ICMT: variants seen among roughly 807,000 people sequenced by gnomAD.
ICMT encodes the protein protein-S-isoprenylcysteine O-methyltransferase.
ICMT carries 10 observed loss-of-function variants against 32.2 expected under a neutral mutation model. The observed-to-expected ratio is 0.31, with a 90% CI of 0.19 to 0.53. ICMT has a LOEUF of 0.53. ICMT is among the 20% of genes least tolerant of loss of function. ICMT has a pLI of 0.96. For missense variants in ICMT, 265 were observed against 356.9 expected (o/e 0.74, Z 2.07); for synonymous variants, 183 against 158.2 (o/e 1.16, Z -1.18).
chr1:6,235,702 C>T lies in ICMT; in HGVS notation c.195+15G>A, dbSNP rs1241847892. On this transcript the variant is annotated intron_variant, in intron 1 of 4. Coordinates refer to ENST00000343813, the MANE Select transcript of ICMT (RefSeq NM_012405.4). The stretch of plus-strand genomic sequence containing the variant: ...CCCGCCCCGCCGGCCCCCGCCGGCC[C>T]CCGCCGGCCTGCACCTGGTAGCGAG... 9 of 1,185,916 alleles carry T rather than the reference C, an allele frequency of 7.6e-6. 1 individual carries two copies. Among genetic ancestry groups the T allele is most frequent in the Non-Finnish European group, 9.4e-6 (9 of 961,092 alleles). 73.5% of individuals were successfully genotyped at this position (1,185,916 alleles called of 1,614,324 possible).
intron 3 of ICMT, among the ~76,000 whole-genome samples, chr1:6,233,106 G>A (rs762919670): frequency 3.9e-5 from 6 of 152,054 alleles, no homozygotes; most frequent in Non-Finnish European, 8.8e-5. Flanking sequence ...CACCCGCCTC[G>A]ACCTCCCAAA....
chr1:6,234,842 G>T, intron 2 of ICMT, 44 bp downstream of exon 2: 1 of 1,396,256 alleles, frequency 7.2e-7, no homozygotes, highest in Non-Finnish European at 1.0e-6. Flanking sequence ...CCTCTGATCT[G>T]TCCACCCTCG....
At position 6,221,208 on chromosome 1, in the gene ICMT, T is replaced by G. The variant is rs1453927009; in HGVS notation, c.*3872A>C. The G allele has an allele frequency of 3.3e-5, 5 of 152,638 alleles. No homozygotes were observed. Among genetic ancestry groups the G allele is most frequent in the African/African-American group, 1.2e-4 (5 of 41,470 alleles). 9.5% of individuals were successfully genotyped at this position (152,638 alleles called of 1,614,324 possible). ...CACACTGTGGTTGAGTGAAATCAAG[T>G]GCAGTTTTATTTAAGAACTGGAAAG... is the stretch of plus-strand genomic sequence containing the variant. On this transcript the variant is annotated 3_prime_UTR_variant, in exon 5 of 5. Coordinates refer to ENST00000343813, the MANE Select transcript of ICMT (RefSeq NM_012405.4).
chr1:6,228,174 A>G (rs1571224253), intron 4 of ICMT, among the ~76,000 whole-genome samples: 4 of 152,290 alleles, frequency 2.6e-5, no homozygotes, highest in Admixed American at 2.6e-4. Context: ...TTTTTAAGAC[A>G]GGGTCTCACT....
At position 6,223,357 on chromosome 1, in the gene ICMT, T is replaced by G. The variant is rs756721262; in HGVS notation, c.*1723A>C. ...CGCCTGACCTCATGATCCACCCGCC[T>G]TGGCCTCCCAAATTGCTGGGATTAC... On this transcript the variant is annotated 3_prime_UTR_variant, in exon 5 of 5. Coordinates refer to ENST00000343813, the MANE Select transcript of ICMT (RefSeq NM_012405.4). 2 of 152,238 alleles carry G rather than the reference T, an allele frequency of 1.3e-5. No individual in the cohort carries two copies. The highest frequency in any genetic ancestry group is 4.8e-5 in the African/African-American group (2 of 41,468). The allele number at this position is 152,238 out of a possible 1,614,324, so 9.4% of individuals were successfully genotyped here. A position where few individuals can be genotyped will look rare whatever the true frequency, so the allele number is the denominator to read the frequency against.
At position 6,225,884 on chromosome 1, in the gene ICMT, G is replaced by C. The variant is rs559587397; in HGVS notation, c.673-622C>G. Among the ~76,000 whole-genome samples the C allele has an allele frequency of 3.2e-4, 49 of 151,894 alleles. No homozygotes were observed. In the South Asian group the frequency reaches 4.8e-3, roughly 15 times the overall value. ...TGCCTCTTTTTTTTCCCCCGAGACA[G>C]ATTGTCACTCTGTCACGTGGAGTGC... On this transcript the variant is annotated intron_variant, in intron 4 of 4. Coordinates refer to ENST00000343813, the MANE Select transcript of ICMT (RefSeq NM_012405.4).
intron 4 of ICMT, among the ~76,000 whole-genome samples, chr1:6,225,997 G>A (rs1358018287): frequency 1.3e-5 from 2 of 152,052 alleles, no homozygotes; most frequent in African/African-American, 2.4e-5. Context: ...TGGGACTAAG[G>A]GCACATGCCA....
chr1:6,232,185 T>C (rs776164686), intron 3 of ICMT, 66 bp from the exon 4 acceptor site: 2 of 1,138,002 alleles, frequency 1.8e-6, no homozygotes, highest in Non-Finnish European at 1.3e-6. Flanking sequence ...CCCTTCGCAC[T>C]GCTTAAAATT....
At chr1:6,227,783 G>A (rs1668667062) in intron 4 of ICMT, among the ~76,000 whole-genome samples, 1 of 152,142 alleles carries the variant, frequency 6.6e-6, no homozygotes, top group Admixed American at 6.5e-5. Flanking sequence ...GTGAACCCAG[G>A]AGGCGGAGCT....
Position 6,222,245 on chromosome 1 carries a change from A to AC in ICMT, c.*2834dup, listed in dbSNP as rs1188982418. On this transcript the variant is annotated 3_prime_UTR_variant, in exon 5 of 5. Transcript: ENST00000343813. ...AGACCAGCCTGGCCATCATGGTGAA[A>AC]CCCCGTCTCTACTAAAAATACAAAA... The AC allele has an allele frequency of 6.6e-6, 1 of 152,042 alleles. No individual in the cohort carries two copies. The highest frequency in any genetic ancestry group is 6.6e-5 in the Admixed American group (1 of 15,254). The allele number at this position is 152,042 out of a possible 1,614,324, so 9.4% of individuals were successfully genotyped here. A position where few individuals can be genotyped will look rare whatever the true frequency, so the allele number is the denominator to read the frequency against.
At chr1:6,229,575 C>G in intron 4 of ICMT, among the ~76,000 whole-genome samples, 1 of 152,098 alleles carries the variant, frequency 6.6e-6, no homozygotes, top group Non-Finnish European at 1.5e-5. Flanking sequence ...AGGAGAATCA[C>G]TCAAACCCGG....
chr1:6,234,791 G>A (rs985985554), intron 2 of ICMT, 95 bp downstream of exon 2: 6 of 934,484 alleles, frequency 6.4e-6, no homozygotes, highest in Admixed American at 1.8e-5. Context: ...GCCTTCTGCC[G>A]GTCACAGATG....
rs1019036410 is a variant in ICMT, at chr1:6,233,326, A to C, written c.454+148T>G. 4.2e-6 allele frequency: 3 copies of C among 709,640 alleles called. No individual in the cohort carries two copies. In the African/African-American group the frequency reaches 5.3e-5, roughly 13 times the overall value. 44.0% of individuals were successfully genotyped at this position (709,640 alleles called of 1,614,324 possible). On this transcript the variant is annotated intron_variant, in intron 3 of 4. Transcript: ENST00000343813. ...GAGGCAGAATTCATGAGCGGAGCTC[A>C]TCCTTTATAAATAGCTTAGTGAGGA...
chr1:6,230,203 C>T (rs1208014707), intron 4 of ICMT, among the ~76,000 whole-genome samples: 2 of 152,182 alleles, frequency 1.3e-5, no homozygotes. Context: ...CAACCTCCAC[C>T]TCCCAGGTTC....
rs146859278 is a variant in ICMT, at chr1:6,234,488, C to G, written c.284+398G>C. ...AGTGTAGGGAAAAATCCTACAGTGGCTGTGGGGATGCACTAGATGTGACCT... is the reference window on the plus strand; with the variant it reads ...AGTGTAGGGAAAAATCCTACAGTGGGTGTGGGGATGCACTAGATGTGACCT... On this transcript the variant is annotated intron_variant, in intron 2 of 4. Coordinates refer to ENST00000343813, the MANE Select transcript of ICMT (RefSeq NM_012405.4). 107 of 492,392 alleles carry G rather than the reference C, an allele frequency of 2.2e-4. No individual in the cohort carries two copies. In the East Asian group the frequency reaches 6.1e-3, roughly 28 times the overall value. 30.5% of individuals were successfully genotyped at this position (492,392 alleles called of 1,614,324 possible). A position where few individuals can be genotyped will look rare whatever the true frequency, so the allele number is the denominator to read the frequency against.
rs776161046 is a variant in ICMT, at chr1:6,234,881, C to T, written c.284+5G>A. 1 of 1,609,580 alleles carries T rather than the reference C, an allele frequency of 6.2e-7. No homozygotes were observed. Among genetic ancestry groups the T allele is most frequent in the South Asian group, 1.1e-5 (1 of 90,980 alleles). On this transcript the variant is annotated splice_donor_5th_base_variant and intron_variant, in intron 2 of 4. Transcript: ENST00000343813. ...GAAAACCAGTATTTCCGAAGGAATT[C>T]TTACCAGCCAAAGTGACTCCAAGAA... is the stretch of plus-strand genomic sequence containing the variant.
chr1:6,233,601 C>T lies in ICMT; in HGVS notation c.327G>A (p.Leu109=). ...TTTTGGGATTATTGACTGCTGTCACCAAGTATTCAGAATAGTGGAACAATG... is the reference window on the plus strand; with the variant it reads ...TTTTGGGATTATTGACTGCTGTCACTAAGTATTCAGAATAGTGGAACAATG... ...SLSLFHYSEY[L]VTAVNNPKSL... Residue 109 remains leucine, a synonymous_variant, in exon 3 of 5, where the codon TTG becomes TTA. Coordinates refer to ENST00000343813, the MANE Select transcript of ICMT (RefSeq NM_012405.4). 1 of 1,613,824 alleles carries T rather than the reference C, an allele frequency of 6.2e-7. No homozygotes were observed. The highest frequency in any genetic ancestry group is 8.5e-7 in the Non-Finnish European group (1 of 1,179,826).
rs1045248881 is a variant in ICMT at position 6,223,210 on chromosome 1, G to T, written c.*1870C>A. Reference sequence around the variant, plus strand: ...GCAACCTCCGCCTCCTGGGTTCAAAGGATTCTCCTGTCTCAGCCTCCTGAG... The same window carrying T: ...GCAACCTCCGCCTCCTGGGTTCAAATGATTCTCCTGTCTCAGCCTCCTGAG... On this transcript the variant is annotated 3_prime_UTR_variant, in exon 5 of 5. Coordinates refer to ENST00000343813, the MANE Select transcript of ICMT (RefSeq NM_012405.4). The T allele has an allele frequency of 6.6e-6, 1 of 152,214 alleles. No individual in the cohort carries two copies. Among genetic ancestry groups the T allele is most frequent in the Non-Finnish European group, 1.5e-5 (1 of 68,050 alleles). The allele number at this position is 152,214 out of a possible 1,614,324, so 9.4% of individuals were successfully genotyped here.
chr1:6,234,443 G>A (rs762246936), intron 2 of ICMT: 6 of 492,358 alleles, frequency 1.2e-5, no homozygotes, highest in Non-Finnish European at 2.4e-5. Context: ...AGACTAGAAG[G>A]CTCAAGGGAC....
Sources: gnomAD v4.1 joint callset for allele counts (sites outside exome capture counted in the v4.1 genomes callset) on GRCh38, gnomAD v4.1.1 for gene constraint, MANE v1.5 for transcripts, NCBI Gene and HGNC (gene_info 2026-07-23, HGNC 2026-07-21) for gene names.